Variants in NCKAP5 observed in about 807,000 individuals in gnomAD.
The protein encoded by NCKAP5 is NCK associated protein 5.
Under a neutral mutation model 167.0 loss-of-function variants are expected in NCKAP5, and 92 were observed. The observed-to-expected ratio is 0.55, with a 90% CI of 0.47 to 0.66. The LOEUF is 0.66. NCKAP5 is among the 30% of genes least tolerant of loss of function. NCKAP5 has a pLI of 0.00. For synonymous variants in NCKAP5, 891 were observed against 877.4 expected, an observed-to-expected ratio of 1.02 and a Z score of -0.27; for missense variants, 2,378 against 2,315.0, an observed-to-expected ratio of 1.03 and a Z score of -0.56.
rs549040690 is a variant in NCKAP5, at chr2:132,873,155, G to A, written c.649-4181C>T. 1.8e-4 allele frequency among the ~76,000 whole-genome samples: 27 copies of A among 152,292 alleles called. No homozygotes were observed. In the South Asian group the frequency reaches 5.4e-3, roughly 30 times the overall value. ...GTCTCACTTTGTCACCCAGGCTGGA[G>A]TGCAGTAGCACGATCTCGGCTCACT... On this transcript the variant is annotated intron_variant, in intron 9 of 19. Transcript: ENST00000409261.
At chr2:132,906,191 GTA>G (rs1033918184) in intron 8 of NCKAP5, among the ~76,000 whole-genome samples, 1 of 152,086 alleles carries the variant, frequency 6.6e-6, no homozygotes, top group Non-Finnish European at 1.5e-5. Flanking sequence ...CCAGATTTGG[GTA>G]TCTTTCCATC....
the NCKAP5 span, among the ~76,000 whole-genome samples, chr2:133,627,408 A>G: frequency 6.6e-6 from 1 of 152,230 alleles, no homozygotes; most frequent in Non-Finnish European, 1.5e-5. Flanking sequence ...TTATATAGAC[A>G]CTAACAGAAT....
At chr2:133,479,384 T>G (rs1174484356) in intron 3 of NCKAP5, among the ~76,000 whole-genome samples, 1 of 152,234 alleles carries the variant, frequency 6.6e-6, no homozygotes, top group Non-Finnish European at 1.5e-5. Flanking sequence ...CCCAGGAGCA[T>G]GTGACATAAC....
In NCKAP5 at chr2:133,319,449, G is replaced by A. The variant is rs372769921; in HGVS notation, c.70-16339C>T. 3.2e-4 allele frequency among the ~76,000 whole-genome samples: 48 copies of A among 152,078 alleles called. 1 individual carries two copies. The East Asian group carries it at 7.2e-3, about 23-fold the overall frequency. ...TGATAAATATGATGCAGGTGCACCC[G>A]GGATGTTACCTTTTTTTTTAAGTAT... On this transcript the variant is annotated intron_variant, in intron 3 of 19. Coordinates refer to ENST00000409261, the MANE Select transcript of NCKAP5 (RefSeq NM_207363.3).
chr2:133,114,205 C>A (rs192374081), intron 6 of NCKAP5, among the ~76,000 whole-genome samples: 12 of 152,248 alleles, frequency 7.9e-5, no homozygotes, highest in African/African-American at 2.4e-4. Context: ...ATTTCTTCAG[C>A]AAAACTAAGA....
intron 6 of NCKAP5, among the ~76,000 whole-genome samples, chr2:133,096,245 C>T (rs1353550739): frequency 1.3e-5 from 2 of 152,132 alleles, no homozygotes; most frequent in South Asian, 4.1e-4. Flanking sequence ...AATCCCAGCA[C>T]TTTGGGAGGC....
chr2:132,771,834 G>A lies in NCKAP5; in HGVS notation c.5128+1982C>T, dbSNP rs1351678287. ...ACTACAGGCACCCACAACCACGCCC[G>A]GCTAATTTTTTTTTTTTTTTTTTTT... is the stretch of plus-strand genomic sequence containing the variant. On this transcript the variant is annotated intron_variant, in intron 16 of 19. Coordinates refer to ENST00000409261, the MANE Select transcript of NCKAP5 (RefSeq NM_207363.3). Among the ~76,000 whole-genome samples the A allele has an allele frequency of 8.4e-5, 12 of 143,042 alleles. 1 individual carries two copies. The highest frequency in any genetic ancestry group is 2.9e-4 in the Admixed American group (4 of 13,808). 93.8% of individuals were successfully genotyped at this position (143,042 alleles called of 152,430 possible). A position where few individuals can be genotyped will look rare whatever the true frequency, so the allele number is the denominator to read the frequency against.
chr2:132,874,679 G>T (rs1296846409), intron 9 of NCKAP5, among the ~76,000 whole-genome samples: 1 of 152,178 alleles, frequency 6.6e-6, no homozygotes, highest in Non-Finnish European at 1.5e-5. Context: ...CTGACTGTAA[G>T]GGCCCAGCTC....
chr2:132,698,382 C>T (rs1225733902), intron 19 of NCKAP5, among the ~76,000 whole-genome samples: 2 of 152,162 alleles, frequency 1.3e-5, no homozygotes, highest in African/African-American at 4.8e-5. Flanking sequence ...ACTGGGCAGA[C>T]CAGAGAGTGA....
intron 3 of NCKAP5, among the ~76,000 whole-genome samples, chr2:133,388,310 C>G (rs1687144770): frequency 6.6e-6 from 1 of 152,118 alleles, no homozygotes; most frequent in South Asian, 2.1e-4. Context: ...AAGTCCACTC[C>G]AGACTGTTTG....
intron 6 of NCKAP5, among the ~76,000 whole-genome samples, chr2:133,038,072 A>C (rs1054851279): frequency 1.3e-5 from 2 of 152,286 alleles, no homozygotes; most frequent in African/African-American, 4.8e-5. Context: ...GCCTCAAAAA[A>C]ACTAAAAATT....
the NCKAP5 span, among the ~76,000 whole-genome samples, chr2:133,649,204 T>C: frequency 6.7e-6 from 1 of 150,024 alleles, no homozygotes; most frequent in Non-Finnish European, 1.5e-5. Flanking sequence ...ATAGAAAGTC[T>C]AAACAGACCT....
At chr2:132,751,340 C>T (rs72844790) in intron 16 of NCKAP5, among the ~76,000 whole-genome samples, 14,003 of 152,126 alleles carry the variant, frequency 0.092, 783 homozygotes, top group East Asian at 0.13. Context: ...TGGAGGCTTC[C>T]TGAGGTCTCA....
intron 7 of NCKAP5, among the ~76,000 whole-genome samples, chr2:132,969,112 A>G (rs1253872980): frequency 1.3e-5 from 2 of 152,092 alleles, no homozygotes; most frequent in African/African-American, 4.8e-5. Context: ...ATCTCGGCTC[A>G]CTGCAACCTC....
intron 4 of NCKAP5, among the ~76,000 whole-genome samples, chr2:133,234,689 TC>T (rs925437296): frequency 1.3e-5 from 2 of 152,066 alleles, no homozygotes; most frequent in African/African-American, 4.8e-5. Flanking sequence ...TTTATAATTT[TC>T]CAGGTGCTTT....
rs140578497 is a variant in NCKAP5 at position 133,511,672 on chromosome 2, G to A, written c.69+5786C>T. 1.1e-3 allele frequency among the ~76,000 whole-genome samples: 173 copies of A among 152,310 alleles called. No individual in the cohort carries two copies. The Middle Eastern group carries it at 0.014, about 12-fold the overall frequency. On this transcript the variant is annotated intron_variant, in intron 3 of 19. Transcript: ENST00000409261. ...ATGTCACGCCATCTTCTGATACCTG[G>A]CTCAGGCCATGGTCTCTATTCTAAG... is the stretch of plus-strand genomic sequence containing the variant.
rs182995795 is a variant in NCKAP5 at position 133,064,050 on chromosome 2, T to C, written c.341+65928A>G. 3.7e-3 allele frequency among the ~76,000 whole-genome samples: 558 copies of C among 152,274 alleles called. 2 individuals carry two copies. Among genetic ancestry groups the C allele is most frequent in the Non-Finnish European group, 6.3e-3 (426 of 68,028 alleles). ...ATCAGACCCAACCTCAGCGACTCACTAGTCAAGATTGCTATTTGACTTCTC... is the reference window on the plus strand; with the variant it reads ...ATCAGACCCAACCTCAGCGACTCACCAGTCAAGATTGCTATTTGACTTCTC... On this transcript the variant is annotated intron_variant, in intron 6 of 19. Transcript: ENST00000409261.
chr2:133,605,422 G>A, the NCKAP5 span, among the ~76,000 whole-genome samples: 2 of 152,106 alleles, frequency 1.3e-5, no homozygotes, highest in Admixed American at 6.5e-5. Flanking sequence ...TGTGGTCCCC[G>A]ACCCCCTGGG....
At chr2:133,229,955 GT>G (rs61065285) in intron 4 of NCKAP5, among the ~76,000 whole-genome samples, 9,047 of 152,104 alleles carry the variant, frequency 0.059, 896 homozygotes, top group African/African-American at 0.2. Context: ...CACTCTCTCT[GT>G]GGGAGTGTAT....
Sources: allele counts gnomAD v4.1 joint callset (sites outside exome capture counted in the v4.1 genomes callset), GRCh38; gene constraint gnomAD v4.1.1; transcripts MANE v1.5; gene names NCBI Gene and HGNC (gene_info 2026-07-23, HGNC 2026-07-21).